Variants in NOL4 observed in about 807,000 individuals in gnomAD.
The protein encoded by NOL4 is nucleolar protein 4.
Under a neutral mutation model 75.9 loss-of-function variants are expected in NOL4, and 17 were observed. The observed-to-expected ratio is 0.22, with a 90% CI of 0.15 to 0.34. NOL4 has a LOEUF of 0.34. NOL4 is among the 10% of genes least tolerant of loss of function. NOL4 has a pLI of 1.00. For synonymous variants in NOL4, 292 were observed against 289.9 expected, an observed-to-expected ratio of 1.01 and a Z score of -0.07; for missense variants, 614 against 793.5, an observed-to-expected ratio of 0.77 and a Z score of 2.72.
At chr18:34,007,357 A>G (rs1407381056) in intron 6 of NOL4, among the ~76,000 whole-genome samples, 1 of 152,042 alleles carries the variant, frequency 6.6e-6, no homozygotes, top group Non-Finnish European at 1.5e-5. Flanking sequence ...AAACAAGGCT[A>G]CTAATAACCC....
chr18:33,994,334 A>G (rs1049462231), intron 6 of NOL4, among the ~76,000 whole-genome samples: 8 of 151,846 alleles, frequency 5.3e-5, no homozygotes, highest in African/African-American at 1.9e-4. Context: ...AGAACATTCT[A>G]CCCAACAACA....
At chr18:34,156,972 T>G (rs1156659508) in intron 1 of NOL4, 1 of 152,170 alleles carries the variant, frequency 6.6e-6, no homozygotes, top group African/African-American at 2.4e-5. Context: ...TACGTCATTT[T>G]CTTGAATACA....
chr18:34,174,394 A>G (rs546728258), intron 1 of NOL4, among the ~76,000 whole-genome samples: 1 of 152,316 alleles, frequency 6.6e-6, no homozygotes, highest in African/African-American at 2.4e-5. Flanking sequence ...TCCAATATGT[A>G]TTTGTTAAAA....
intron 9 of NOL4, among the ~76,000 whole-genome samples, chr18:33,901,610 G>A (rs1025459399): frequency 3.9e-5 from 6 of 152,014 alleles, no homozygotes; most frequent in Non-Finnish European, 7.4e-5. Flanking sequence ...GGGGAAACAC[G>A]TTTATAAAAA....
At chr18:33,998,514 C>G (rs750116683) in intron 6 of NOL4, among the ~76,000 whole-genome samples, 6 of 152,088 alleles carry the variant, frequency 3.9e-5, no homozygotes, top group South Asian at 2.1e-4. Context: ...AAAGGCCCAG[C>G]CTTTTCTTAT....
chr18:34,069,383 G>A (rs1242671108), intron 5 of NOL4, among the ~76,000 whole-genome samples: 1 of 152,166 alleles, frequency 6.6e-6, no homozygotes, highest in Non-Finnish European at 1.5e-5. Flanking sequence ...GTGGAAAACA[G>A]ATGGTCAGTG....
intron 4 of NOL4, among the ~76,000 whole-genome samples, chr18:34,098,907 A>G (rs954580537): frequency 3.9e-5 from 6 of 152,118 alleles, no homozygotes; most frequent in Admixed American, 2.6e-4. Flanking sequence ...CAGTGGTTCT[A>G]AGTAGTAAAT....
At chr18:34,158,005 A>G (rs530802454) in intron 1 of NOL4, among the ~76,000 whole-genome samples, 1 of 152,256 alleles carries the variant, frequency 6.6e-6, no homozygotes, top group South Asian at 2.1e-4. Context: ...TATCCCACCT[A>G]TCAGCTTTAA....
intron 9 of NOL4, among the ~76,000 whole-genome samples, chr18:33,934,361 C>G (rs1263949273): frequency 6.6e-6 from 1 of 152,084 alleles, no homozygotes; most frequent in Admixed American, 6.6e-5. Context: ...GCTGCATTAG[C>G]CCCTAACAGT....
chr18:34,135,737 G>C (rs1483502881), intron 1 of NOL4, among the ~76,000 whole-genome samples: 1 of 141,374 alleles, frequency 7.1e-6, no homozygotes, highest in Non-Finnish European at 1.5e-5. Flanking sequence ...AAGCAGCCCA[G>C]GCCCAGACAG....
At chr18:34,138,671 T>C (rs1046390829) in intron 1 of NOL4, among the ~76,000 whole-genome samples, 3 of 152,238 alleles carry the variant, frequency 2.0e-5, no homozygotes, top group Non-Finnish European at 1.5e-5. Context: ...CCTTTATTTC[T>C]TTCTCCTGCC....
intron 6 of NOL4, among the ~76,000 whole-genome samples, chr18:34,006,144 G>A (rs1304977392): frequency 1.3e-5 from 2 of 151,970 alleles, no homozygotes; most frequent in Non-Finnish European, 2.9e-5. Flanking sequence ...TACTTATATA[G>A]AAACTGATGA....
At chr18:34,104,200 G>A (rs1481400512) in intron 3 of NOL4, 41 bp from the exon 4 acceptor site, 1 of 1,099,694 alleles carries the variant, frequency 9.1e-7, no homozygotes, top group South Asian at 1.3e-5. Context: ...AAGTAATACT[G>A]CATTCTACCT....
chr18:34,183,678 T>A (rs1469541197), intron 1 of NOL4: 3 of 151,942 alleles, frequency 2.0e-5, no homozygotes, highest in African/African-American at 2.4e-5. Context: ...TTGATTCACA[T>A]ACCACCTCCA....
At chr18:34,118,820 GCAGTGTACAT>G (rs2079985491) in intron 2 of NOL4, among the ~76,000 whole-genome samples, 1 of 152,216 alleles carries the variant, frequency 6.6e-6, no homozygotes, top group African/African-American at 2.4e-5. Flanking sequence ...AAAAGGATTA[GCAGTGTACAT>G]CATTGTACTA....
chr18:33,911,891 T>C (rs2066430164), intron 9 of NOL4, among the ~76,000 whole-genome samples: 6 of 152,120 alleles, frequency 3.9e-5, no homozygotes. Flanking sequence ...TATTATTGTT[T>C]CTGGTATCCT....
chr18:34,111,669 G>T (rs542398691), intron 2 of NOL4, among the ~76,000 whole-genome samples: 47 of 152,100 alleles, frequency 3.1e-4, no homozygotes, highest in African/African-American at 1.1e-3. Context: ...CTAAGACATA[G>T]GCAAAAGACA....
intron 6 of NOL4, among the ~76,000 whole-genome samples, chr18:33,984,374 G>A (rs1445773544): frequency 6.6e-6 from 1 of 152,056 alleles, no homozygotes; most frequent in Non-Finnish European, 1.5e-5. Context: ...GAATTTGCAA[G>A]CTTCCCAATG....
chr18:34,051,390 A>G (rs1365737744), intron 5 of NOL4, among the ~76,000 whole-genome samples: 1 of 152,242 alleles, frequency 6.6e-6, no homozygotes, highest in African/African-American at 2.4e-5. Context: ...TATGTATTCA[A>G]GTAATCAATG....
Sources: gnomAD v4.1 joint callset for allele counts (sites outside exome capture counted in the v4.1 genomes callset) on GRCh38, gnomAD v4.1.1 for gene constraint, MANE v1.5 for transcripts, NCBI Gene and HGNC (gene_info 2026-07-23, HGNC 2026-07-21) for gene names.